RAB3C: variants seen among roughly 807,000 people sequenced by gnomAD.
RAB3C encodes the protein ras-related protein Rab-3C.
In RAB3C, 17 loss-of-function variants were observed where a neutral mutation model predicts 26.4. That is an observed-to-expected ratio of 0.64 (90% CI 0.44 to 0.97). RAB3C has a LOEUF of 0.97. Ranked by LOEUF, RAB3C falls within the 50% of genes least tolerant of loss-of-function variation. RAB3C has a pLI of 0.00. For synonymous variants in RAB3C, 91 were observed against 95.9 expected, an observed-to-expected ratio of 0.95 and a Z score of 0.30; for missense variants, 242 against 281.9, an observed-to-expected ratio of 0.86 and a Z score of 1.01.
At position 58,706,297 on chromosome 5, in the gene RAB3C, A is replaced by G. The variant is rs539943507; in HGVS notation, c.253-19705A>G. 3.3e-5 allele frequency among the ~76,000 whole-genome samples: 5 copies of G among 152,100 alleles called. No homozygotes were observed. The South Asian group carries it at 8.3e-4, about 25-fold the overall frequency. ...AGAGTTTGAGCACCTCTGGATAAGC[A>G]TTTTTTTCGGTGGCCACCTTGGGCA... On this transcript the variant is annotated intron_variant, in intron 2 of 4. Coordinates refer to ENST00000282878, the MANE Select transcript of RAB3C (RefSeq NM_138453.4).
intron 2 of RAB3C, among the ~76,000 whole-genome samples, chr5:58,725,363 G>C (rs933481928): frequency 6.6e-6 from 1 of 151,660 alleles, no homozygotes; most frequent in African/African-American, 2.4e-5. Context: ...TTCTCCAGTT[G>C]TCCTTGACCT....
chr5:58,592,377 G>A (rs1398302129), intron 1 of RAB3C, among the ~76,000 whole-genome samples: 2 of 152,096 alleles, frequency 1.3e-5, no homozygotes, highest in South Asian at 4.1e-4. Context: ...TTGTGAAATT[G>A]TTGTCATATG....
intron 2 of RAB3C, among the ~76,000 whole-genome samples, chr5:58,652,929 T>A (rs990608639): frequency 1.3e-5 from 2 of 152,208 alleles, no homozygotes; most frequent in Admixed American, 1.3e-4. Context: ...TTGGGTTTTT[T>A]AAAAATCACG....
intron 2 of RAB3C, among the ~76,000 whole-genome samples, chr5:58,677,921 G>T (rs935567533): frequency 5.9e-5 from 9 of 151,804 alleles, no homozygotes; most frequent in African/African-American, 1.9e-4. Flanking sequence ...TAGAATCAAA[G>T]AATGATTTAT....
intron 3 of RAB3C, among the ~76,000 whole-genome samples, chr5:58,734,515 T>G (rs1741093286): frequency 6.6e-6 from 1 of 152,174 alleles, no homozygotes; most frequent in African/African-American, 2.4e-5. Context: ...GATACATTTC[T>G]TATTGCTGGT....
At position 58,617,740 on chromosome 5, in the gene RAB3C, T is replaced by C. The variant is rs1475133280; in HGVS notation, c.122T>C (p.Val41Ala). ...FKLLIIGNSSVGKTSFLFRYA... is the reference protein window; with the variant it reads ...FKLLIIGNSSAGKTSFLFRYA... ...TTACTCATCATCGGCAATAGCAGTGTGGGGAAAACATCTTTTCTATTCCGT... is the reference window on the plus strand; with the variant it reads ...TTACTCATCATCGGCAATAGCAGTGCGGGGAAAACATCTTTTCTATTCCGT... Residue 41 changes from valine (V) to alanine (A), a missense_variant, in exon 2 of 5, where the codon GTG becomes GCG. Physicochemically the swap from Val to Ala is moderately conservative, Grantham distance 64. Coordinates refer to ENST00000282878, the MANE Select transcript of RAB3C (RefSeq NM_138453.4). 4 of 1,613,920 alleles carry C rather than the reference T, an allele frequency of 2.5e-6. No individual in the cohort carries two copies. Among genetic ancestry groups the C allele is most frequent in the Non-Finnish European group, 3.4e-6 (4 of 1,179,850 alleles).
chr5:58,763,991 T>A (rs1192510107), intron 3 of RAB3C, among the ~76,000 whole-genome samples: 1 of 152,226 alleles, frequency 6.6e-6, no homozygotes, highest in East Asian at 1.9e-4. Context: ...AAGGTTATCA[T>A]GTTCTTCTCA....
chr5:58,856,235 CTG>C lies in RAB3C; in HGVS notation c.*4887_*4888del, dbSNP rs1323158069. On this transcript the variant is annotated 3_prime_UTR_variant, in exon 5 of 5. Transcript: ENST00000282878. ...TTCACACTGATTTCGTTTGATTAGT[CTG>C]TGCATGTAATTAATTTCCTCCAAAC... The C allele has an allele frequency of 6.6e-6, 1 of 151,744 alleles. No homozygotes were observed. The highest frequency in any genetic ancestry group is 2.4e-5 in the African/African-American group (1 of 41,300). The allele number at this position is 151,744 out of a possible 1,614,324, so 9.4% of individuals were successfully genotyped here.
intron 2 of RAB3C, among the ~76,000 whole-genome samples, chr5:58,689,513 G>A (rs1010840309): frequency 6.6e-6 from 1 of 151,924 alleles, no homozygotes; most frequent in Non-Finnish European, 1.5e-5. Flanking sequence ...TAGATGTTTT[G>A]TTGAAGAAAA....
At chr5:58,721,611 T>G (rs1740768843) in intron 2 of RAB3C, among the ~76,000 whole-genome samples, 1 of 151,912 alleles carries the variant, frequency 6.6e-6, no homozygotes, top group South Asian at 2.1e-4. Context: ...TCAATTATAA[T>G]GAAGTGTTTT....
chr5:58,634,012 G>C (rs569908899), intron 2 of RAB3C, among the ~76,000 whole-genome samples: 1 of 151,732 alleles, frequency 6.6e-6, no homozygotes, highest in Non-Finnish European at 1.5e-5. Context: ...ATGGTGGCTG[G>C]TGCCTGTAGT....
chr5:58,749,063 A>G (rs924585606), intron 3 of RAB3C, among the ~76,000 whole-genome samples: 7 of 152,314 alleles, frequency 4.6e-5, no homozygotes, highest in African/African-American at 1.4e-4. Flanking sequence ...CCCCAATGCC[A>G]TCAAACATAA....
intron 2 of RAB3C, among the ~76,000 whole-genome samples, chr5:58,688,807 G>T (rs940087803): frequency 6.6e-6 from 1 of 152,132 alleles, no homozygotes; most frequent in African/African-American, 2.4e-5. Context: ...ATACTACTTA[G>T]AAAATCAGTA....
chr5:58,830,013 A>C (rs1304301306), intron 4 of RAB3C, among the ~76,000 whole-genome samples: 1 of 152,168 alleles, frequency 6.6e-6, no homozygotes, highest in African/African-American at 2.4e-5. Context: ...AATATTATGA[A>C]CACGTAAACA....
intron 1 of RAB3C, among the ~76,000 whole-genome samples, chr5:58,602,404 T>C (rs1478532479): frequency 6.6e-6 from 1 of 152,150 alleles, no homozygotes. Flanking sequence ...TGTTTCTTTT[T>C]TGATTTTCTG....
At chr5:58,785,368 A>G (rs896936909) in intron 3 of RAB3C, among the ~76,000 whole-genome samples, 1 of 152,226 alleles carries the variant, frequency 6.6e-6, no homozygotes, top group Non-Finnish European at 1.5e-5. Context: ...CAACCCCTGC[A>G]CTAAGTGATT....
At chr5:58,648,756 G>T (rs1230664198) in intron 2 of RAB3C, among the ~76,000 whole-genome samples, 1 of 152,108 alleles carries the variant, frequency 6.6e-6, no homozygotes, top group Admixed American at 6.5e-5. Context: ...AGATACAAAA[G>T]ATCTTAAAAG....
chr5:58,699,029 C>G (rs1449581669), intron 2 of RAB3C, among the ~76,000 whole-genome samples: 2 of 152,202 alleles, frequency 1.3e-5, no homozygotes, highest in Admixed American at 6.5e-5. Flanking sequence ...GTATTTTCAG[C>G]TTTTCTGCTC....
At chr5:58,825,219 C>T in intron 4 of RAB3C, 57 bp downstream of exon 4, 1 of 1,533,458 alleles carries the variant, frequency 6.5e-7, no homozygotes, top group Non-Finnish European at 8.8e-7. Context: ...ATATGTAACT[C>T]TGTACAGAGT....
Sources: gnomAD v4.1 joint callset for allele counts (sites outside exome capture counted in the v4.1 genomes callset) on GRCh38, gnomAD v4.1.1 for gene constraint, MANE v1.5 for transcripts, NCBI Gene and HGNC (gene_info 2026-07-23, HGNC 2026-07-21) for gene names.